The following CTNNA1 variants were observed in gnomAD, a reference collection of about 807,000 sequenced individuals.
CTNNA1 encodes the protein catenin alpha 1.
Under a neutral mutation model 98.4 loss-of-function variants are expected in CTNNA1, and 37 were observed. The ratio of observed to expected loss-of-function variants is 0.38; its 90% confidence interval spans 0.29 to 0.49. The LOEUF is 0.49. CTNNA1 is among the 20% of genes least tolerant of loss of function. The pLI, the probability that CTNNA1 is intolerant of heterozygous loss-of-function variation, is 0.95. For missense variants in CTNNA1, 761 were observed against 1,147.2 expected (o/e 0.66, Z 4.86); for synonymous variants, 404 against 413.2 (o/e 0.98, Z 0.27).
chr5:138,753,924 TG>T (rs1751305944), intron 1 of CTNNA1: 1 of 153,028 alleles, frequency 6.5e-6, no homozygotes, highest in African/African-American at 2.4e-5. Context: ...CTTCCTTCCC[TG>T]GGGCGGCTTG....
chr5:138,833,071 C>T (rs1761432510), intron 7 of CTNNA1, among the ~76,000 whole-genome samples: 1 of 152,126 alleles, frequency 6.6e-6, no homozygotes, highest in African/African-American at 2.4e-5. Context: ...TGTTACCATA[C>T]CCCCCTTCAA....
intron 9 of CTNNA1, among the ~76,000 whole-genome samples, chr5:138,902,359 C>T (rs1561694401): frequency 6.6e-6 from 1 of 152,218 alleles, no homozygotes. Flanking sequence ...ATCCAGCATT[C>T]AAGTGGCCTC....
intron 7 of CTNNA1, among the ~76,000 whole-genome samples, chr5:138,832,493 G>T (rs1376229056): frequency 1.3e-5 from 2 of 152,088 alleles, no homozygotes; most frequent in African/African-American, 2.4e-5. Flanking sequence ...AAACAGCTTT[G>T]GATGGATGTT....
chr5:138,773,908 A>G (rs1469202797), intron 1 of CTNNA1, among the ~76,000 whole-genome samples: 1 of 151,618 alleles, frequency 6.6e-6, no homozygotes, highest in Admixed American at 6.6e-5. Flanking sequence ...TTCTGAGACA[A>G]AGTCTCACTC....
chr5:138,932,906 G>A, intron 17 of CTNNA1, 194 bp downstream of exon 17: 1 of 811,588 alleles, frequency 1.2e-6, no homozygotes, highest in Non-Finnish European at 2.2e-6. Flanking sequence ...CACCTGCGGG[G>A]CACTGCAAGG....
In CTNNA1 at chr5:138,810,215, A is replaced by G. The variant is rs373849684; in HGVS notation, c.468+11A>G. 1.2e-6 allele frequency: 2 copies of G among 1,610,816 alleles called. No homozygotes were observed. Among genetic ancestry groups the G allele is most frequent in the African/African-American group, 1.3e-5 (1 of 74,910 alleles). On this transcript the variant is annotated intron_variant, in intron 4 of 17. Coordinates refer to ENST00000302763, the MANE Select transcript of CTNNA1 (RefSeq NM_001903.5). ...GTTCAGCTGAAAGTTGTAAGTATAC[A>G]GGCCTATGTCTGTAATTTGTTCTAT... is the stretch of plus-strand genomic sequence containing the variant.
At chr5:138,753,648 G>T in intron 1 of CTNNA1, 138 bp downstream of exon 1, 1 of 344,336 alleles carries the variant, frequency 2.9e-6, no homozygotes, top group Non-Finnish European at 5.2e-6. Context: ...TGGCGACGTC[G>T]CCGGGAATTG....
At chr5:138,796,200 A>G (rs825754) in intron 3 of CTNNA1, among the ~76,000 whole-genome samples, 105,217 of 152,076 alleles carry the variant, frequency 0.69, 36,548 homozygotes, top group East Asian at 0.93. Flanking sequence ...AAAGGAGTAT[A>G]GTATTAATAA....
chr5:138,934,252 G>GTT lies in CTNNA1; in HGVS notation c.*164_*165dup. 1 of 586,922 alleles carries GTT rather than the reference G, an allele frequency of 1.7e-6. No individual in the cohort carries two copies. The highest frequency in any genetic ancestry group is 1.9e-5 in the African/African-American group (1 of 53,564). The allele number at this position is 586,922 out of a possible 1,614,324, so 36.4% of individuals were successfully genotyped here. On this transcript the variant is annotated 3_prime_UTR_variant, in exon 18 of 18. Coordinates refer to ENST00000302763, the MANE Select transcript of CTNNA1 (RefSeq NM_001903.5). ...TGAATTTTCCAAGAACATAGTTTAA[G>GTT]TTGATTAAAAATGCTTTTAGAATGC...
At chr5:138,844,967 T>C (rs945402663) in intron 7 of CTNNA1, among the ~76,000 whole-genome samples, 7 of 152,190 alleles carry the variant, frequency 4.6e-5, no homozygotes, top group African/African-American at 1.7e-4. Flanking sequence ...TCCCCATTAG[T>C]AGGTGGCTCA....
intron 7 of CTNNA1, among the ~76,000 whole-genome samples, chr5:138,828,661 TTCTC>T (rs1226171130): frequency 3.3e-5 from 5 of 152,222 alleles, no homozygotes; most frequent in Non-Finnish European, 7.3e-5. Flanking sequence ...TCTTGGTTCT[TTCTC>T]ATTTGTTCGT....
Position 138,771,304 on chromosome 5 carries a change from T to C in CTNNA1, c.-2-10619T>C, listed in dbSNP as rs541590617. 2.6e-4 allele frequency among the ~76,000 whole-genome samples: 39 copies of C among 152,202 alleles called. No homozygotes were observed. The South Asian group carries it at 7.1e-3, about 28-fold the overall frequency. On this transcript the variant is annotated intron_variant, in intron 1 of 17. Transcript: ENST00000302763. ...AGCACAGCAGTTCCAACTGCTCCCA[T>C]TGCCTTTGGTGCCCTCAAGAAAAAT...
chr5:138,835,156 GGCTATTTTC>G (rs1761661211), intron 7 of CTNNA1, among the ~76,000 whole-genome samples: 1 of 152,180 alleles, frequency 6.6e-6, no homozygotes, highest in Non-Finnish European at 1.5e-5. Flanking sequence ...GGCAGGAACT[GGCTATTTTC>G]GCTTCTTTTG....
intron 1 of CTNNA1, among the ~76,000 whole-genome samples, chr5:138,760,817 C>A (rs1401636851): frequency 6.6e-6 from 1 of 152,126 alleles, no homozygotes; most frequent in Non-Finnish European, 1.5e-5. Flanking sequence ...CATTCTTGAT[C>A]TATTGTCTGA....
At chr5:138,836,813 GTAA>G (rs1260290703) in intron 7 of CTNNA1, among the ~76,000 whole-genome samples, 1 of 152,126 alleles carries the variant, frequency 6.6e-6, no homozygotes, top group African/African-American at 2.4e-5. Flanking sequence ...GAATTAACAG[GTAA>G]TAACCTCTAA....
chr5:138,838,956 A>G (rs1260305250), intron 7 of CTNNA1, among the ~76,000 whole-genome samples: 2 of 151,452 alleles, frequency 1.3e-5, no homozygotes, highest in African/African-American at 2.4e-5. Flanking sequence ...GTTCAGTTCA[A>G]GATATTTTAA....
intron 1 of CTNNA1, among the ~76,000 whole-genome samples, chr5:138,773,641 A>G (rs1036233743): frequency 4.7e-5 from 4 of 84,296 alleles, no homozygotes; most frequent in Non-Finnish European, 5.2e-5. Context: ...TTCTTAATGT[A>G]AGTGAGTGAT....
chr5:138,786,810 C>A (rs956960878), intron 3 of CTNNA1, among the ~76,000 whole-genome samples: 1 of 152,166 alleles, frequency 6.6e-6, no homozygotes, highest in Non-Finnish European at 1.5e-5. Context: ...TCCTGACCAA[C>A]CCCAAATCCC....
intron 1 of CTNNA1, among the ~76,000 whole-genome samples, chr5:138,770,710 T>C (rs925930114): frequency 6.6e-6 from 1 of 152,112 alleles, no homozygotes; most frequent in Admixed American, 6.5e-5. Flanking sequence ...CCCAGCACTT[T>C]GGGAGGCCGA....
Sources: gnomAD v4.1 joint callset for allele counts (sites outside exome capture counted in the v4.1 genomes callset) on GRCh38, gnomAD v4.1.1 for gene constraint, MANE v1.5 for transcripts, NCBI Gene and HGNC (gene_info 2026-07-23, HGNC 2026-07-21) for gene names.